Variants in TRPC4AP observed in about 807,000 individuals in gnomAD.
TRPC4AP encodes the protein transient receptor potential cation channel subfamily C member 4 associated protein, also known as short transient receptor potential channel 4-associated protein.
In TRPC4AP, 45 loss-of-function variants were observed where a neutral mutation model predicts 99.0. That is an observed-to-expected ratio of 0.45 (90% CI 0.36 to 0.58). TRPC4AP has a LOEUF of 0.58. Among genes scored for constraint, TRPC4AP ranks in the 20% least tolerant of loss-of-function variants. The pLI, the probability that TRPC4AP is intolerant of heterozygous loss-of-function variation, is 0.00. For synonymous variants in TRPC4AP, 408 were observed against 385.8 expected, an observed-to-expected ratio of 1.06 and a Z score of -0.67; for missense variants, 879 against 985.3, an observed-to-expected ratio of 0.89 and a Z score of 1.44.
intron 7 of TRPC4AP, among the ~76,000 whole-genome samples, chr20:35,042,250 G>T (rs1267321460): frequency 1.3e-5 from 2 of 152,084 alleles, no homozygotes; most frequent in African/African-American, 4.8e-5. Context: ...GAATAAACTG[G>T]GGTTGGAGTC....
At chr20:35,021,463 C>T (rs1020401449) in intron 8 of TRPC4AP, 107 bp from the exon 9 acceptor site, 1 of 1,283,770 alleles carries the variant, frequency 7.8e-7, no homozygotes, top group Admixed American at 2.4e-5. Flanking sequence ...TTCGGCTGGG[C>T]CATGAGCCCA....
rs527683890 is a variant in TRPC4AP at position 35,043,273 on chromosome 20, G to A, written c.865+1232C>T. On this transcript the variant is annotated intron_variant, in intron 7 of 18. Coordinates refer to ENST00000252015, the MANE Select transcript of TRPC4AP (RefSeq NM_015638.3). The stretch of plus-strand genomic sequence containing the variant: ...TTTTTTTTTTTTTTTTTGAGACGGA[G>A]TCTAATTATGTCGCCCAGGCTGAAG... Among the ~76,000 whole-genome samples, 30 of 148,658 alleles carry A rather than the reference G, an allele frequency of 2.0e-4. No individual in the cohort carries two copies. In the South Asian group the frequency reaches 5.7e-3, roughly 28 times the overall value.
intron 12 of TRPC4AP, among the ~76,000 whole-genome samples, chr20:35,009,795 T>A (rs989775201): frequency 1.3e-5 from 2 of 152,184 alleles, no homozygotes; most frequent in Admixed American, 1.3e-4. Context: ...AACCTAACAC[T>A]TGGCAGCAGG....
rs938713987 is a variant in TRPC4AP at position 35,089,942 on chromosome 20, A to G, written c.168+2672T>C. 6.6e-5 allele frequency among the ~76,000 whole-genome samples: 10 copies of G among 152,260 alleles called. 2 individuals carry two copies. Among genetic ancestry groups the G allele is most frequent in the Admixed American group, 6.5e-5 (1 of 15,288 alleles). On this transcript the variant is annotated intron_variant, in intron 1 of 18. Transcript: ENST00000252015. Reference sequence around the variant, plus strand: ...TATGGGTAATCTGGGCAACAGAGCAAAACCCTGTCTCTACCAAAGATACAA... The same window carrying G: ...TATGGGTAATCTGGGCAACAGAGCAGAACCCTGTCTCTACCAAAGATACAA...
At chr20:35,023,436 T>C (rs1476513795) in intron 8 of TRPC4AP, among the ~76,000 whole-genome samples, 2 of 152,240 alleles carry the variant, frequency 1.3e-5, no homozygotes, top group African/African-American at 4.8e-5. Flanking sequence ...CTGCGAATGC[T>C]TGCTTGTTAC....
At chr20:35,008,939 CCCA>C (rs2082572418) in intron 12 of TRPC4AP, among the ~76,000 whole-genome samples, 192 bp from the exon 13 acceptor site, 2 of 152,314 alleles carry the variant, frequency 1.3e-5, no homozygotes, top group South Asian at 2.1e-4. Flanking sequence ...CAAGTGCATT[CCCA>C]CCACATCTCA....
At chr20:35,080,137 T>C (rs1398113395) in intron 1 of TRPC4AP, among the ~76,000 whole-genome samples, 1 of 151,478 alleles carries the variant, frequency 6.6e-6, no homozygotes, top group East Asian at 1.9e-4. Flanking sequence ...GCAAAAAAAG[T>C]AATGATGTAC....
chr20:35,024,926 G>C (rs894273771), intron 8 of TRPC4AP, among the ~76,000 whole-genome samples: 2 of 148,798 alleles, frequency 1.3e-5, no homozygotes, highest in Non-Finnish European at 3.0e-5. Flanking sequence ...TGAATATGCT[G>C]TGATGAACAT....
intron 15 of TRPC4AP, 91 bp from the exon 16 acceptor site, chr20:35,005,894 G>T: frequency 9.0e-7 from 1 of 1,115,838 alleles, no homozygotes; most frequent in Non-Finnish European, 1.3e-6. Context: ...GGGCATCAGC[G>T]ACCTCTACCA....
intron 8 of TRPC4AP, among the ~76,000 whole-genome samples, chr20:35,027,714 T>A (rs2083065273): frequency 6.6e-6 from 1 of 152,256 alleles, no homozygotes; most frequent in South Asian, 2.1e-4. Context: ...TCAGGTTTTC[T>A]ATTTCTTCCT....
At chr20:35,028,645 T>C (rs1037578167) in intron 8 of TRPC4AP, among the ~76,000 whole-genome samples, 2 of 152,178 alleles carry the variant, frequency 1.3e-5, no homozygotes, top group Non-Finnish European at 2.9e-5. Flanking sequence ...GTGCATTCTG[T>C]AGTAGTTGGG....
At chr20:35,008,921 T>C (rs2082571578) in intron 12 of TRPC4AP, among the ~76,000 whole-genome samples, 174 bp from the exon 13 acceptor site, 1 of 152,152 alleles carries the variant, frequency 6.6e-6, no homozygotes. Flanking sequence ...GCCACAGAAT[T>C]AAACTGCCAA....
intron 5 of TRPC4AP, among the ~76,000 whole-genome samples, chr20:35,051,033 T>TACACACACAC (rs34091819): frequency 1.1e-3 from 166 of 144,994 alleles, no homozygotes; most frequent in African/African-American, 3.4e-3. Context: ...TGCTATAGCT[T>TACACACACAC]ACACACACAC....
intron 7 of TRPC4AP, among the ~76,000 whole-genome samples, chr20:35,038,583 C>A (rs993704555): frequency 2.1e-5 from 2 of 94,746 alleles, no homozygotes; most frequent in Non-Finnish European, 4.4e-5. Flanking sequence ...ATTTACATTA[C>A]CATCTGTACA....
intron 13 of TRPC4AP, 26 bp downstream of exon 13, chr20:35,008,638 C>T (rs752263020): frequency 1.7e-5 from 27 of 1,604,782 alleles, no homozygotes; most frequent in African/African-American, 1.3e-5. Flanking sequence ...CCCGCAGAAT[C>T]GGCAGGTACT....
At chr20:35,045,006 TA>T (rs1047169644) in intron 6 of TRPC4AP, among the ~76,000 whole-genome samples, 65 of 151,228 alleles carry the variant, frequency 4.3e-4, no homozygotes, top group Non-Finnish European at 8.3e-4. Context: ...TTTGCCTATT[TA>T]AAAAAAAAGG....
intron 6 of TRPC4AP, among the ~76,000 whole-genome samples, chr20:35,046,220 A>T (rs1023936921): frequency 6.6e-6 from 1 of 152,206 alleles, no homozygotes; most frequent in African/African-American, 2.4e-5. Flanking sequence ...TATATAGTTT[A>T]TAAGTTTTCC....
chr20:35,078,353 T>C (rs1176597618), intron 1 of TRPC4AP, among the ~76,000 whole-genome samples, 179 bp from the exon 2 acceptor site: 1 of 152,174 alleles, frequency 6.6e-6, no homozygotes, highest in Non-Finnish European at 1.5e-5. Flanking sequence ...CCTATTACTA[T>C]GTTATAATAA....
chr20:35,062,796 A>G (rs1260212387), intron 3 of TRPC4AP, among the ~76,000 whole-genome samples: 1 of 152,242 alleles, frequency 6.6e-6, no homozygotes, highest in African/African-American at 2.4e-5. Flanking sequence ...CTCTGACTAT[A>G]CTAAAAAACT....
Sources: gnomAD v4.1 joint callset for allele counts (sites outside exome capture counted in the v4.1 genomes callset) on GRCh38, gnomAD v4.1.1 for gene constraint, MANE v1.5 for transcripts, NCBI Gene and HGNC (gene_info 2026-07-23, HGNC 2026-07-21) for gene names.